Variants in ECT2 observed in about 807,000 individuals in gnomAD.
ECT2 encodes protein ECT2.
A neutral mutation model predicts 116.9 loss-of-function variants in ECT2; 61 were observed. The observed-to-expected ratio is 0.52, with a 90% confidence interval of 0.42 to 0.65. ECT2 has a LOEUF of 0.65. ECT2 is among the 30% of genes least tolerant of loss of function. ECT2 has a pLI of 0.00. For missense variants in ECT2, 937 were observed against 1,078.7 expected (o/e 0.87, Z 1.84); for synonymous variants, 358 against 346.4 (o/e 1.03, Z -0.37).
intron 16 of ECT2, among the ~76,000 whole-genome samples, 178 bp from the exon 17 acceptor site, chr3:172,784,529 A>G (rs1385993906): frequency 6.6e-6 from 1 of 152,190 alleles, no homozygotes. Flanking sequence ...TGGCTGGCCA[A>G]GAGGACATTT....
At chr3:172,788,313 T>A (rs1576954690) in intron 18 of ECT2, among the ~76,000 whole-genome samples, 1 of 152,364 alleles carries the variant, frequency 6.6e-6, no homozygotes, top group East Asian at 1.9e-4. Context: ...ACATCAGTTA[T>A]ACATGCTTAG....
intron 22 of ECT2, among the ~76,000 whole-genome samples, chr3:172,808,890 TTTTG>T (rs1436538697): frequency 1.3e-5 from 2 of 152,122 alleles, no homozygotes; most frequent in East Asian, 1.9e-4. Context: ...TAATCAGACT[TTTTG>T]TTTGTGTGTG....
rs1244983227 is a variant in ECT2, at chr3:172,821,287, C to A, written c.*1050C>A. ...ATAAATGCATTTTTATTTCCTATTT[C>A]TTTAGGGAGTGCTACAAATGTTTGT... On this transcript the variant is annotated 3_prime_UTR_variant, in exon 25 of 25. Transcript: ENST00000392692. 1 of 151,744 alleles carries A rather than the reference C, an allele frequency of 6.6e-6. No homozygotes were observed. Among genetic ancestry groups the A allele is most frequent in the East Asian group, 1.9e-4 (1 of 5,198 alleles). 9.4% of individuals were successfully genotyped at this position (151,744 alleles called of 1,614,324 possible).
intron 12 of ECT2, among the ~76,000 whole-genome samples, chr3:172,767,324 C>T (rs1220397137): frequency 6.6e-6 from 1 of 151,958 alleles, no homozygotes; most frequent in African/African-American, 2.4e-5. Flanking sequence ...GCCTGTAATC[C>T]CAGCTACTCA....
rs1304386391 is a variant in ECT2, at chr3:172,755,462, A to G, written c.211-21A>G. 3.3e-6 allele frequency: 5 copies of G among 1,493,686 alleles called. No individual in the cohort carries two copies. In the African/African-American group the frequency reaches 4.3e-5, roughly 13 times the overall value. The allele number at this position is 1,493,686 out of a possible 1,614,324, so 92.5% of individuals were successfully genotyped here. ...AGTTTCATAGCTTTCTTAACCTCAT[A>G]CTTAAGTCTCTTTTCCACAGACTAT... is the stretch of plus-strand genomic sequence containing the variant. On this transcript the variant is annotated intron_variant, in intron 3 of 24. Transcript: ENST00000392692.
intron 20 of ECT2, among the ~76,000 whole-genome samples, chr3:172,803,405 T>C (rs761645206): frequency 6.0e-4 from 91 of 152,326 alleles, no homozygotes; most frequent in Non-Finnish European, 1.1e-3. Context: ...AAATTCTTTA[T>C]GATTCCTTGA....
At chr3:172,813,581 T>A (rs1215219056) in intron 22 of ECT2, among the ~76,000 whole-genome samples, 1 of 152,124 alleles carries the variant, frequency 6.6e-6, no homozygotes, top group Non-Finnish European at 1.5e-5. Flanking sequence ...TGGTAGAATA[T>A]ACATAACATA....
chr3:172,820,073 C>A, intron 24 of ECT2, 75 bp from the exon 25 acceptor site: 3 of 983,388 alleles, frequency 3.1e-6, no homozygotes, highest in South Asian at 1.9e-5. Flanking sequence ...AAATAATAGG[C>A]ATGATACTGA....
At chr3:172,774,068 A>G (rs1254347465) in intron 14 of ECT2, 46 bp downstream of exon 14, 1 of 1,572,904 alleles carries the variant, frequency 6.4e-7, no homozygotes, top group South Asian at 1.1e-5. Flanking sequence ...TTCAGATTGT[A>G]CATATTTATT....
chr3:172,783,040 G>C (rs1722998007), intron 15 of ECT2, among the ~76,000 whole-genome samples: 1 of 151,978 alleles, frequency 6.6e-6, no homozygotes. Flanking sequence ...CTTCTTAGTT[G>C]ATAACACTTT....
chr3:172,816,587 C>T (rs1729757259), intron 23 of ECT2, 104 bp from the exon 24 acceptor site: 2 of 894,868 alleles, frequency 2.2e-6, no homozygotes, highest in Non-Finnish European at 3.3e-6. Flanking sequence ...CCACATAGTA[C>T]AGTAGAAAAA....
At chr3:172,768,954 T>G in intron 12 of ECT2, 53 bp from the exon 13 acceptor site, 1 of 1,496,906 alleles carries the variant, frequency 6.7e-7, no homozygotes, top group Non-Finnish European at 9.0e-7. Flanking sequence ...CTACATAATG[T>G]TTGGTATTTA....
At chr3:172,792,918 C>A (rs991230133) in intron 18 of ECT2, among the ~76,000 whole-genome samples, 15 of 152,126 alleles carry the variant, frequency 9.9e-5, no homozygotes, top group Non-Finnish European at 2.1e-4. Context: ...CAGGGTTTCA[C>A]TCTGTTGTCC....
At position 172,784,718 on chromosome 3, in the gene ECT2, A is replaced by G. The variant is rs1371512965; in HGVS notation, c.1740A>G (p.Ala580=). 16 of 1,613,542 alleles carry G rather than the reference A, an allele frequency of 9.9e-6. No homozygotes were observed. Among genetic ancestry groups the G allele is most frequent in the South Asian group, 8.8e-5 (8 of 91,064 alleles). Residue 580 remains alanine, a synonymous_variant, in exon 17 of 25, where the codon GCA becomes GCG. Transcript: ENST00000392692. ...RFHAFLKINQ[A]KPECGRQSLV... ...TAAATTGTTTTCAGATAAACCAAGC[A>G]AAACCAGAATGTGGACGGCAGAGCC... is the stretch of plus-strand genomic sequence containing the variant.
chr3:172,816,634 T>C, intron 23 of ECT2, 57 bp from the exon 24 acceptor site: 1 of 1,459,832 alleles, frequency 6.9e-7, no homozygotes, highest in Non-Finnish European at 9.2e-7. Flanking sequence ...TGTTTAAATA[T>C]TCTCATCAGC....
intron 18 of ECT2, among the ~76,000 whole-genome samples, chr3:172,789,916 C>A (rs1724339844): frequency 6.6e-6 from 1 of 152,212 alleles, no homozygotes; most frequent in Admixed American, 6.5e-5. Context: ...AAATCTTGAA[C>A]CCCTCAAAGT....
chr3:172,812,880 A>G (rs1305930498), intron 22 of ECT2, among the ~76,000 whole-genome samples: 1 of 152,194 alleles, frequency 6.6e-6, no homozygotes, highest in East Asian at 1.9e-4. Context: ...AATTAAGTTC[A>G]TAAAAGTAAG....
intron 22 of ECT2, 27 bp from the exon 23 acceptor site, chr3:172,815,577 A>G (rs1729540479): frequency 1.4e-6 from 2 of 1,398,332 alleles, no homozygotes; most frequent in East Asian, 2.3e-5. Context: ...TGTTTTTAAG[A>G]TAACAAAAAG....
intron 22 of ECT2, among the ~76,000 whole-genome samples, chr3:172,808,883 T>G (rs1199313435): frequency 6.6e-6 from 1 of 152,170 alleles, no homozygotes; most frequent in Non-Finnish European, 1.5e-5. Context: ...AGAACAATAA[T>G]CAGACTTTTT....
Sources: gnomAD v4.1 joint callset for allele counts (sites outside exome capture counted in the v4.1 genomes callset) on GRCh38, gnomAD v4.1.1 for gene constraint, MANE v1.5 for transcripts, NCBI Gene and HGNC (gene_info 2026-07-23, HGNC 2026-07-21) for gene names.